Variants in RARS2 observed in about 807,000 individuals in gnomAD.
RARS2 encodes probable arginine--tRNA ligase, mitochondrial.
In RARS2, 67 loss-of-function variants were observed where a neutral mutation model predicts 88.5. That is an observed-to-expected ratio of 0.76 (90% confidence interval 0.62 to 0.93). The LOEUF is 0.93. Ranked by LOEUF, RARS2 falls within the 40% of genes least tolerant of loss-of-function variation. RARS2 has a pLI of 0.00. For missense variants in RARS2, 664 were observed against 684.2 expected (o/e 0.97, Z 0.33); for synonymous variants, 239 against 230.3 (o/e 1.04, Z -0.34).
At chr6:87,581,748 C>G (rs1773533148) in intron 1 of RARS2, among the ~76,000 whole-genome samples, 1 of 152,154 alleles carries the variant, frequency 6.6e-6, no homozygotes, top group African/African-American at 2.4e-5. Context: ...AAAGCTCTCA[C>G]TCTTCCCACC....
Position 87,589,950 on chromosome 6 carries a change from C to T in RARS2, c.8G>A (p.Cys3Tyr), listed in dbSNP as rs766880364. ...GCAAGCAATAGCGCGGCGAAAGCCGCACGCCATGTCCACCTCTACGGAAGT... is the reference window on the plus strand; with the variant it reads ...GCAAGCAATAGCGCGGCGAAAGCCGTACGCCATGTCCACCTCTACGGAAGT... MA[C>Y]GFRRAIACQL... The change falls in exon 1 of 20, where the codon TGC becomes TAC. Residue 3 changes from cysteine (C) to tyrosine (Y), a missense_variant. Transcript: ENST00000369536. 3 of 1,614,064 alleles carry T rather than the reference C, an allele frequency of 1.9e-6. No individual in the cohort carries two copies. Among genetic ancestry groups the T allele is most frequent in the Non-Finnish European group, 2.5e-6 (3 of 1,180,042 alleles).
Position 87,569,565 on chromosome 6 carries a change from G to A in RARS2, c.62C>T (p.Pro21Leu), listed in dbSNP as rs368016647. Reference sequence around the variant, plus strand: ...AGATATTGATGTGATCAAGTTTTCTGGTGGAAGATTCAACACTCTGGAAAG... The same window carrying A: ...AGATATTGATGTGATCAAGTTTTCTAGTGGAAGATTCAACACTCTGGAAAG... Reference protein sequence around the residue: ...CQLSRVLNLPPENLITSISAV... With the variant: ...CQLSRVLNLPLENLITSISAV... Residue 21 changes from proline to leucine, a missense_variant, in exon 2 of 20, where the codon CCA becomes CTA. Pro to Leu is a moderately conservative substitution (Grantham distance 98, BLOSUM62 -3). Transcript: ENST00000369536. 4 of 1,607,258 alleles carry A rather than the reference G, an allele frequency of 2.5e-6. No individual in the cohort carries two copies. The highest frequency in any genetic ancestry group is 3.4e-6 in the Non-Finnish European group (4 of 1,174,160).
intron 5 of RARS2, among the ~76,000 whole-genome samples, chr6:87,550,686 A>G (rs1329996790): frequency 6.6e-6 from 1 of 150,398 alleles, no homozygotes; most frequent in African/African-American, 2.5e-5. Flanking sequence ...GTATGTACTT[A>G]TCCCTCAATG....
intron 5 of RARS2, among the ~76,000 whole-genome samples, chr6:87,551,043 CAAAAACA>C (rs1188857491): frequency 6.6e-6 from 1 of 151,704 alleles, no homozygotes; most frequent in African/African-American, 2.4e-5. Flanking sequence ...AAAACAAAAA[CAAAAACA>C]AAAAAAAACT....
chr6:87,545,887 TG>T (rs1782487915), intron 6 of RARS2, among the ~76,000 whole-genome samples, 188 bp from the exon 7 acceptor site: 1 of 152,182 alleles, frequency 6.6e-6, no homozygotes, highest in African/African-American at 2.4e-5. Context: ...AGAAATTACT[TG>T]TAGGGCAGTT....
chr6:87,588,609 A>G (rs1231738386), intron 1 of RARS2, among the ~76,000 whole-genome samples: 2 of 152,200 alleles, frequency 1.3e-5, no homozygotes, highest in African/African-American at 4.8e-5. Context: ...TCCTGGGCTC[A>G]AGCCATCCTC....
chr6:87,552,222 G>A (rs1034468265), intron 5 of RARS2, among the ~76,000 whole-genome samples: 1 of 152,124 alleles, frequency 6.6e-6, no homozygotes, highest in Non-Finnish European at 1.5e-5. Flanking sequence ...GTTTTCTGGG[G>A]AATGTTGCTT....
At chr6:87,573,381 C>G (rs933986794) in intron 1 of RARS2, among the ~76,000 whole-genome samples, 5 of 152,138 alleles carry the variant, frequency 3.3e-5, no homozygotes, top group African/African-American at 9.7e-5. Flanking sequence ...TCTCACCAGG[C>G]CCCACCTCCA....
chr6:87,567,686 G>T (rs915631738), intron 2 of RARS2, among the ~76,000 whole-genome samples: 11 of 152,186 alleles, frequency 7.2e-5, no homozygotes, highest in Non-Finnish European at 1.5e-5. Flanking sequence ...AGCACTAGAG[G>T]TTCCCTTTGT....
At chr6:87,518,984 G>C in intron 14 of RARS2, 93 bp from the exon 15 acceptor site, 1 of 1,196,136 alleles carries the variant, frequency 8.4e-7, no homozygotes. Flanking sequence ...AATGTATGCT[G>C]ACAATCAAGA....
intron 1 of RARS2, among the ~76,000 whole-genome samples, chr6:87,585,166 T>C (rs956510715): frequency 6.6e-6 from 1 of 152,198 alleles, no homozygotes; most frequent in African/African-American, 2.4e-5. Flanking sequence ...ACTCATTCAG[T>C]GAAGCTGCAT....
intron 6 of RARS2, among the ~76,000 whole-genome samples, chr6:87,548,031 T>G (rs1442776778): frequency 6.6e-6 from 1 of 152,182 alleles, no homozygotes; most frequent in Admixed American, 6.5e-5. Context: ...GTTATTCGTG[T>G]TTTTTAATTT....
chr6:87,541,010 A>G (rs1041366943), intron 8 of RARS2, among the ~76,000 whole-genome samples: 13 of 151,700 alleles, frequency 8.6e-5, no homozygotes, highest in African/African-American at 2.9e-4. Context: ...AAAAAGCTGC[A>G]GTACATATTA....
chr6:87,552,415 T>C (rs1254943182), intron 5 of RARS2, among the ~76,000 whole-genome samples: 1 of 152,168 alleles, frequency 6.6e-6, no homozygotes, highest in Non-Finnish European at 1.5e-5. Context: ...CTCACAACAA[T>C]GCCACATGTG....
intron 7 of RARS2, among the ~76,000 whole-genome samples, chr6:87,544,438 A>G (rs1434670963): frequency 6.6e-6 from 1 of 152,222 alleles, no homozygotes; most frequent in Non-Finnish European, 1.5e-5. Flanking sequence ...TAGGGCAGGG[A>G]AGCACACAAA....
At chr6:87,578,416 C>A (rs4132445) in intron 1 of RARS2, among the ~76,000 whole-genome samples, 4,901 of 152,104 alleles carry the variant, frequency 0.032, 260 homozygotes, top group African/African-American at 0.11. Context: ...TTAAAAAATT[C>A]TTTGCATCCT....
Position 87,576,362 on chromosome 6 carries a change from C to T in RARS2, c.37-6772G>A, listed in dbSNP as rs13198842. On this transcript the variant is annotated intron_variant, in intron 1 of 19. Transcript: ENST00000369536. ...CGCGATCTCGGCTCACTGCAAGCTC[C>T]GCCTCCCGGGTTCACGCCATTCTCC... Among the ~76,000 whole-genome samples, 3 of 103,624 alleles carry T rather than the reference C, an allele frequency of 2.9e-5. 1 individual carries two copies. Among genetic ancestry groups the T allele is most frequent in the African/African-American group, 1.1e-4 (3 of 26,806 alleles). 68.0% of individuals were successfully genotyped at this position (103,624 alleles called of 152,430 possible). A position where few individuals can be genotyped will look rare whatever the true frequency, so the allele number is the denominator to read the frequency against.
At chr6:87,519,366 G>T in intron 14 of RARS2, 1 of 510,922 alleles carries the variant, frequency 2.0e-6, no homozygotes, top group Non-Finnish European at 3.5e-6. Context: ...TTCATGAAAA[G>T]AGGACCAAGG....
chr6:87,551,421 T>A lies in RARS2; in HGVS notation c.396-2775A>T, dbSNP rs148150398. ...TGGGTGGATCACTTGAAGTCAGGAG[T>A]TTGAGACCAGCCTGACCAACATGGT... On this transcript the variant is annotated intron_variant, in intron 5 of 19. Coordinates refer to ENST00000369536, the MANE Select transcript of RARS2 (RefSeq NM_020320.5). 1.4e-3 allele frequency among the ~76,000 whole-genome samples: 207 copies of A among 151,568 alleles called. 1 individual carries two copies. Among genetic ancestry groups the A allele is most frequent in the African/African-American group, 4.6e-3 (189 of 41,300 alleles).
Sources: gnomAD v4.1 joint callset for allele counts (sites outside exome capture counted in the v4.1 genomes callset) on GRCh38, gnomAD v4.1.1 for gene constraint, MANE v1.5 for transcripts, NCBI Gene and HGNC (gene_info 2026-07-23, HGNC 2026-07-21) for gene names.